GNAO1: variants seen among roughly 807,000 people sequenced by gnomAD.
GNAO1 encodes G protein subunit alpha o1, also known as guanine nucleotide-binding protein G(o) subunit alpha.
For missense variants in GNAO1, 166 were observed against 478.7 expected (o/e 0.35, Z 6.10); for synonymous variants, 164 against 180.7 (o/e 0.91, Z 0.74).
At chr16:56,239,840 T>C (rs763055127) in intron 2 of GNAO1, among the ~76,000 whole-genome samples, 2 of 152,202 alleles carry the variant, frequency 1.3e-5, no homozygotes, top group Admixed American at 6.5e-5. Context: ...TCACTAAAGA[T>C]AGAGACAGCA....
At chr16:56,343,853 T>A in intron 6 of GNAO1, 1 of 1,613,962 alleles carries the variant, frequency 6.2e-7, no homozygotes. Flanking sequence ...TACACCCACG[T>A]CACCTGCGCC....
chr16:56,328,312 G>A (rs2037655677), intron 3 of GNAO1, among the ~76,000 whole-genome samples: 1 of 152,184 alleles, frequency 6.6e-6, no homozygotes, highest in Non-Finnish European at 1.5e-5. Context: ...CTGCCTTCCT[G>A]CTGGTTGAGT....
intron 4 of GNAO1, 117 bp from the exon 5 acceptor site, chr16:56,334,612 C>A: frequency 9.1e-7 from 1 of 1,096,578 alleles, no homozygotes. Context: ...GATGTCTTTT[C>A]CACAGTGACC....
intron 2 of GNAO1, among the ~76,000 whole-genome samples, chr16:56,255,024 A>G (rs1283630224): frequency 6.6e-6 from 1 of 152,200 alleles, no homozygotes; most frequent in African/African-American, 2.4e-5. Flanking sequence ...TCCCTACTTA[A>G]GATGAGACCT....
At chr16:56,231,759 C>G (rs1026028305) in intron 2 of GNAO1, among the ~76,000 whole-genome samples, 1 of 152,220 alleles carries the variant, frequency 6.6e-6, no homozygotes, top group African/African-American at 2.4e-5. Context: ...GCACTGGCAC[C>G]TGAAGTCAGG....
chr16:56,338,566 C>T (rs78391289), intron 6 of GNAO1, among the ~76,000 whole-genome samples: 14 of 152,354 alleles, frequency 9.2e-5, no homozygotes, highest in African/African-American at 2.2e-4. Context: ...ATGTCCACCA[C>T]GGTTTCAAAG....
chr16:56,323,469 C>T (rs1240034154), intron 3 of GNAO1, among the ~76,000 whole-genome samples: 3 of 152,060 alleles, frequency 2.0e-5, no homozygotes, highest in Non-Finnish European at 4.4e-5. Context: ...GGGTGTTGAC[C>T]TTGTCTTCAT....
In GNAO1 at chr16:56,221,054, G is replaced by A. The variant is rs143609945; in HGVS notation, c.161+28438G>A. On this transcript the variant is annotated intron_variant, in intron 2 of 8. Coordinates refer to ENST00000262493, the MANE Select transcript of GNAO1 (RefSeq NM_020988.3). ...AGCCACTGCACCCAGCCTTGGATTA[G>A]CGTTTTAATAAAAGAGCTCAAGGGG... Among the ~76,000 whole-genome samples the A allele has an allele frequency of 4.2e-3, 633 of 152,114 alleles. 6 individuals carry two copies. Among genetic ancestry groups the A allele is most frequent in the African/African-American group, 0.015 (611 of 41,516 alleles).
rs191530196 is a variant in GNAO1, at chr16:56,313,569, T to C, written c.304-15062T>C. ...TCTGCCTTCTCTCTGTTGTGATGTG[T>C]TGTTTGGTTGAAGAAAAATTTGGCC... On this transcript the variant is annotated intron_variant, in intron 3 of 8. Transcript: ENST00000262493. Among the ~76,000 whole-genome samples the C allele has an allele frequency of 3.9e-5, 6 of 152,276 alleles. No homozygotes were observed. In the East Asian group the frequency reaches 1.2e-3, roughly 29 times the overall value.
intron 2 of GNAO1, among the ~76,000 whole-genome samples, chr16:56,251,548 A>G (rs2036800074): frequency 1.3e-5 from 2 of 152,230 alleles, no homozygotes; most frequent in African/African-American, 4.8e-5. Context: ...CTTAGGAAAA[A>G]GGATTGTAAT....
At chr16:56,283,425 G>A (rs1194253863) in intron 3 of GNAO1, among the ~76,000 whole-genome samples, 1 of 152,292 alleles carries the variant, frequency 6.6e-6, no homozygotes, top group East Asian at 1.9e-4. Flanking sequence ...CTCTTTGGGA[G>A]GCAGAATCAG....
intron 3 of GNAO1, among the ~76,000 whole-genome samples, chr16:56,325,601 C>T (rs1484485642): frequency 6.6e-6 from 1 of 152,288 alleles, no homozygotes; most frequent in East Asian, 1.9e-4. Flanking sequence ...GTCTCAGTCT[C>T]TGTTGGGCTC....
chr16:56,341,707 G>A (rs924648646), intron 6 of GNAO1, among the ~76,000 whole-genome samples: 8 of 152,198 alleles, frequency 5.3e-5, no homozygotes, highest in African/African-American at 1.9e-4. Flanking sequence ...CATGGGGTGG[G>A]CGGGCAGCCA....
chr16:56,206,507 A>G (rs2036330404), intron 2 of GNAO1, among the ~76,000 whole-genome samples: 1 of 152,086 alleles, frequency 6.6e-6, no homozygotes, highest in South Asian at 2.1e-4. Context: ...TGGAAATTAC[A>G]TCAGTGGTTT....
intron 7 of GNAO1, among the ~76,000 whole-genome samples, chr16:56,353,880 C>T (rs1828388269): frequency 6.6e-6 from 1 of 152,222 alleles, no homozygotes. Flanking sequence ...GTCCCAACCC[C>T]CTGCCCCTTG....
At chr16:56,209,945 T>C (rs1596798069) in intron 2 of GNAO1, among the ~76,000 whole-genome samples, 1 of 152,204 alleles carries the variant, frequency 6.6e-6, no homozygotes, top group South Asian at 2.1e-4. Context: ...CTTGGTGGTG[T>C]ACATTCTATG....
In GNAO1 at chr16:56,344,932, G is replaced by T. The variant is rs2037848340; in HGVS notation, c.724-6452G>T. ...CCAGTGCCTCCGCCTCACCGTCTTGGTGAAGAAATCAGCGAGTTTGTTCAC... is the reference window on the plus strand; with the variant it reads ...CCAGTGCCTCCGCCTCACCGTCTTGTTGAAGAAATCAGCGAGTTTGTTCAC... On this transcript the variant is annotated intron_variant, in intron 6 of 8. Coordinates refer to ENST00000262493, the MANE Select transcript of GNAO1 (RefSeq NM_020988.3). The T allele has an allele frequency of 5.1e-6, 5 of 985,366 alleles. 1 individual carries two copies. In the South Asian group the frequency reaches 2.3e-4, roughly 46 times the overall value. The allele number at this position is 985,366 out of a possible 1,614,324, so 61.0% of individuals were successfully genotyped here.
At chr16:56,297,382 T>A (rs1170885175) in intron 3 of GNAO1, among the ~76,000 whole-genome samples, 9 of 152,046 alleles carry the variant, frequency 5.9e-5, no homozygotes, top group African/African-American at 1.9e-4. Context: ...CCAACCACCT[T>A]GCCCAGCATC....
At chr16:56,324,483 T>C (rs921218689) in intron 3 of GNAO1, among the ~76,000 whole-genome samples, 2 of 152,198 alleles carry the variant, frequency 1.3e-5, no homozygotes, top group African/African-American at 4.8e-5. Context: ...ATTCCTCAGA[T>C]GGGAAAGTAC....
Sources: allele counts gnomAD v4.1 joint callset (sites outside exome capture counted in the v4.1 genomes callset), GRCh38; gene constraint gnomAD v4.1.1; transcripts MANE v1.5; gene names NCBI Gene and HGNC (gene_info 2026-07-23, HGNC 2026-07-21).